ZNF652: variants seen among roughly 807,000 people sequenced by gnomAD.
ZNF652 encodes zinc finger protein 652.
In ZNF652, 16 loss-of-function variants were observed where a neutral mutation model predicts 45.2. That is an observed-to-expected ratio of 0.35 (90% CI 0.24 to 0.54). ZNF652 has a LOEUF of 0.54. Among genes scored for constraint, ZNF652 ranks in the 20% least tolerant of loss-of-function variants. The pLI, the probability that ZNF652 is intolerant of heterozygous loss-of-function variation, is 0.91. For synonymous variants in ZNF652, 250 were observed against 260.6 expected, an observed-to-expected ratio of 0.96 and a Z score of 0.39; for missense variants, 614 against 765.6, an observed-to-expected ratio of 0.80 and a Z score of 2.34.
chr17:49,358,452 C>T (rs1275013707), intron 1 of ZNF652, among the ~76,000 whole-genome samples: 1 of 152,100 alleles, frequency 6.6e-6, no homozygotes, highest in Non-Finnish European at 1.5e-5. Context: ...GGCTATGGTT[C>T]AAAATACAAG....
At chr17:49,346,353 C>T (rs2070204892) in intron 1 of ZNF652, among the ~76,000 whole-genome samples, 2 of 152,202 alleles carry the variant, frequency 1.3e-5, no homozygotes, top group African/African-American at 4.8e-5. Flanking sequence ...GACCTCGAGA[C>T]CAACCTGGCC....
rs1240722626 is a variant in ZNF652, at chr17:49,295,587, T to C, written c.*2826A>G. ...CAGTACAACCTCATGAAATGGTTGA[T>C]TCTGTGGTCTCAAGTCTAGAATCCA... On this transcript the variant is annotated 3_prime_UTR_variant, in exon 6 of 6. Transcript: ENST00000430262. 1.3e-5 allele frequency: 2 copies of C among 152,428 alleles called. No homozygotes were observed. Among genetic ancestry groups the C allele is most frequent in the East Asian group, 3.9e-4 (2 of 5,188 alleles). The allele number at this position is 152,428 out of a possible 1,614,324, so 9.4% of individuals were successfully genotyped here.
chr17:49,359,103 G>A (rs1287359651), intron 1 of ZNF652, among the ~76,000 whole-genome samples: 4 of 152,130 alleles, frequency 2.6e-5, no homozygotes, highest in Admixed American at 2.0e-4. Flanking sequence ...CTAAATCAAG[G>A]AAGCACACTG....
At chr17:49,353,416 C>T (rs574068578) in intron 1 of ZNF652, among the ~76,000 whole-genome samples, 10 of 152,212 alleles carry the variant, frequency 6.6e-5, no homozygotes, top group South Asian at 4.1e-4. Context: ...GTGATCCTTC[C>T]GCCTCAGCTT....
At position 49,295,951 on chromosome 17, in the gene ZNF652, A is replaced by AAAAAC. The variant is rs2069469607; in HGVS notation, c.*2461_*2462insGTTTT. The AAAAAC allele has an allele frequency of 7.7e-6, 1 of 129,842 alleles. No individual in the cohort carries two copies. The highest frequency in any genetic ancestry group is 2.9e-5 in the African/African-American group (1 of 34,408). 8.0% of individuals were successfully genotyped at this position (129,842 alleles called of 1,614,324 possible). A position where few individuals can be genotyped will look rare whatever the true frequency, so the allele number is the denominator to read the frequency against. The stretch of plus-strand genomic sequence containing the variant: ...AGACTCTGCCTCAAAAAAAAAAAAA[A>AAAAAC]AAAAAAAAAAAAAACAGAACAAAAT... On this transcript the variant is annotated 3_prime_UTR_variant, in exon 6 of 6. Coordinates refer to ENST00000430262, the MANE Select transcript of ZNF652 (RefSeq NM_001145365.3).
chr17:49,317,336 T>C lies in ZNF652; in HGVS notation c.390A>G (p.Val130=), dbSNP rs1275244592. ...AAGAGACACCCTTTTCCCCTTTAGATACATTTAATGTTTGATTATTAAGGT... is the reference window on the plus strand; with the variant it reads ...AAGAGACACCCTTTTCCCCTTTAGACACATTTAATGTTTGATTATTAAGGT... ...EVNLNNQTLN[V]SKGEKGVSSQ... The change falls in exon 2 of 6, where the codon GTA becomes GTG. Residue 130 remains valine, a synonymous_variant. Transcript: ENST00000430262. 2 of 1,613,754 alleles carry C rather than the reference T, an allele frequency of 1.2e-6. No homozygotes were observed. The highest frequency in any genetic ancestry group is 1.1e-5 in the South Asian group (1 of 91,084).
intron 5 of ZNF652, among the ~76,000 whole-genome samples, chr17:49,299,618 T>C (rs1294320311): frequency 1.3e-5 from 2 of 151,914 alleles, no homozygotes; most frequent in Non-Finnish European, 2.9e-5. Flanking sequence ...TGACCTCAGG[T>C]GATCTACCCA....
chr17:49,298,327 G>A lies in ZNF652; in HGVS notation c.*86C>T, dbSNP rs1340206656. The A allele has an allele frequency of 6.5e-7, 1 of 1,539,436 alleles. No homozygotes were observed. Among genetic ancestry groups the A allele is most frequent in the African/African-American group, 1.4e-5 (1 of 73,542 alleles). The stretch of plus-strand genomic sequence containing the variant: ...TTGGTAGAGGCGGAGGAGAGTCTGA[G>A]AACTAAGGAAATGCTCACCGACTCC... On this transcript the variant is annotated 3_prime_UTR_variant, in exon 6 of 6. Coordinates refer to ENST00000430262, the MANE Select transcript of ZNF652 (RefSeq NM_001145365.3).
chr17:49,347,701 C>T (rs2070218934), intron 1 of ZNF652, among the ~76,000 whole-genome samples: 2 of 149,338 alleles, frequency 1.3e-5, no homozygotes, highest in African/African-American at 4.9e-5. Context: ...ATTAAGTAAT[C>T]TTGCCCCATG....
intron 5 of ZNF652, among the ~76,000 whole-genome samples, chr17:49,300,582 G>A (rs548118225): frequency 6.6e-6 from 1 of 152,282 alleles, no homozygotes; most frequent in Non-Finnish European, 1.5e-5. Flanking sequence ...ATGGGATGCT[G>A]AGGTGAGGCG....
intron 1 of ZNF652, among the ~76,000 whole-genome samples, chr17:49,333,669 G>A (rs1166893221): frequency 1.4e-5 from 2 of 138,730 alleles, no homozygotes; most frequent in Admixed American, 7.7e-5. Flanking sequence ...GCAGTAAGCC[G>A]AGATCGTGCC....
In ZNF652 at chr17:49,329,596, A is replaced by G. The variant is rs550736603; in HGVS notation, c.-258-11613T>C. ...TACAGTCTCATCTAATAAAAATGTA[A>G]TATGTCAAACAATTTTTAAGCAGTC... On this transcript the variant is annotated intron_variant, in intron 1 of 5. Coordinates refer to ENST00000430262, the MANE Select transcript of ZNF652 (RefSeq NM_001145365.3). 8.6e-4 allele frequency among the ~76,000 whole-genome samples: 131 copies of G among 152,344 alleles called. 1 individual carries two copies. Among genetic ancestry groups the G allele is most frequent in the Non-Finnish European group, 1.6e-3 (106 of 68,034 alleles).
intron 1 of ZNF652, among the ~76,000 whole-genome samples, chr17:49,332,289 CATCTT>C (rs1297699572): frequency 1.3e-5 from 2 of 152,090 alleles, no homozygotes; most frequent in Non-Finnish European, 1.5e-5. Context: ...ATTTTGAAAA[CATCTT>C]AACTGAACTA....
In ZNF652 at chr17:49,326,332, C is replaced by G. The variant is rs535819953; in HGVS notation, c.-258-8349G>C. Among the ~76,000 whole-genome samples the G allele has an allele frequency of 2.0e-5, 3 of 151,636 alleles. No homozygotes were observed. In the South Asian group the frequency reaches 6.3e-4, roughly 32 times the overall value. ...GAGCTGACAGGAGACAAGCAAAAAG[C>G]CAACTCAGTTTTGAAAGTTATACTG... On this transcript the variant is annotated intron_variant, in intron 1 of 5. Coordinates refer to ENST00000430262, the MANE Select transcript of ZNF652 (RefSeq NM_001145365.3).
intron 5 of ZNF652, among the ~76,000 whole-genome samples, chr17:49,309,475 C>T (rs1338332142): frequency 6.7e-6 from 1 of 149,964 alleles, no homozygotes; most frequent in South Asian, 2.1e-4. Context: ...TGCCACTGCA[C>T]TCAGTCTGGG....
At chr17:49,341,326 A>G (rs9902999) in intron 1 of ZNF652, among the ~76,000 whole-genome samples, 118,397 of 151,648 alleles carry the variant, frequency 0.78, 46,427 homozygotes, top group African/African-American at 0.85. Flanking sequence ...TCAACTGAAA[A>G]AAAAAAAGAT....
chr17:49,306,208 G>T (rs1567916127), intron 5 of ZNF652, among the ~76,000 whole-genome samples: 1 of 152,190 alleles, frequency 6.6e-6, no homozygotes, highest in Non-Finnish European at 1.5e-5. Flanking sequence ...CAAACCAGGG[G>T]AAAGTATTTC....
At chr17:49,324,154 G>A (rs1392456570) in intron 1 of ZNF652, among the ~76,000 whole-genome samples, 1 of 152,220 alleles carries the variant, frequency 6.6e-6, no homozygotes, top group African/African-American at 2.4e-5. Context: ...AGCACTTGCT[G>A]CTTCACCGTG....
intron 5 of ZNF652, among the ~76,000 whole-genome samples, chr17:49,301,017 G>C (rs961235897): frequency 2.0e-5 from 3 of 152,110 alleles, no homozygotes; most frequent in African/African-American, 7.2e-5. Context: ...ATGCATTTCT[G>C]CACACATGAA....
Sources: allele counts gnomAD v4.1 joint callset (sites outside exome capture counted in the v4.1 genomes callset), GRCh38; gene constraint gnomAD v4.1.1; transcripts MANE v1.5; gene names NCBI Gene and HGNC (gene_info 2026-07-23, HGNC 2026-07-21).